SLC9C1: variants seen among roughly 807,000 people sequenced by gnomAD.
The protein encoded by SLC9C1 is solute carrier family 9 member C1.
A neutral mutation model predicts 140.9 loss-of-function variants in SLC9C1; 97 were observed. That is an observed-to-expected ratio of 0.69 (90% CI 0.58 to 0.82). The LOEUF is 0.82. Ranked by LOEUF, SLC9C1 falls within the 40% of genes least tolerant of loss-of-function variation. SLC9C1 has a pLI of 0.00. For synonymous variants in SLC9C1, 440 were observed against 442.6 expected (o/e 0.99, Z 0.07); for missense variants, 1,340 against 1,389.3 (o/e 0.96, Z 0.56).
intron 10 of SLC9C1, among the ~76,000 whole-genome samples, chr3:112,246,981 A>G (rs13095536): frequency 6.0e-4 from 91 of 152,312 alleles, no homozygotes; most frequent in African/African-American, 2.1e-3. Flanking sequence ...ATTTTCCTCC[A>G]GTTTTCTCCT....
intron 13 of SLC9C1, among the ~76,000 whole-genome samples, chr3:112,230,881 A>G (rs1464639568): frequency 6.6e-6 from 1 of 152,186 alleles, no homozygotes; most frequent in Non-Finnish European, 1.5e-5. Flanking sequence ...ATTTGAATGA[A>G]AACATAATAC....
chr3:112,145,866 C>T (rs1052965983), intron 28 of SLC9C1, among the ~76,000 whole-genome samples: 13 of 152,032 alleles, frequency 8.6e-5, no homozygotes, highest in Admixed American at 4.6e-4. Context: ...ATAAGTCTCA[C>T]GAGATCTGAT....
chr3:112,263,666 T>C (rs184215495), intron 9 of SLC9C1, among the ~76,000 whole-genome samples: 7 of 152,030 alleles, frequency 4.6e-5, no homozygotes, highest in East Asian at 3.9e-4. Flanking sequence ...ATTTGAGTAA[T>C]GGAGATTAAA....
At chr3:112,190,687 T>G (rs2077640438) in intron 20 of SLC9C1, among the ~76,000 whole-genome samples, 1 of 152,118 alleles carries the variant, frequency 6.6e-6, no homozygotes, top group Non-Finnish European at 1.5e-5. Flanking sequence ...TTTTCAAACA[T>G]TCATTGTAAA....
intron 6 of SLC9C1, 62 bp downstream of exon 6, chr3:112,274,835 C>T (rs1576501952): frequency 1.5e-6 from 2 of 1,345,408 alleles, no homozygotes; most frequent in African/African-American, 1.6e-5. Context: ...ACAAAATACA[C>T]ATCAGCTTTC....
intron 2 of SLC9C1, among the ~76,000 whole-genome samples, chr3:112,283,336 A>G (rs1290933921): frequency 6.6e-6 from 1 of 151,950 alleles, no homozygotes; most frequent in Non-Finnish European, 1.5e-5. Flanking sequence ...TAAAATAATT[A>G]ATGAGGCATG....
intron 15 of SLC9C1, among the ~76,000 whole-genome samples, chr3:112,211,671 C>G (rs1042134999): frequency 6.6e-6 from 1 of 152,226 alleles, no homozygotes; most frequent in African/African-American, 2.4e-5. Flanking sequence ...GGGCGCCCAC[C>G]ATTGCTGAGG....
At chr3:112,216,609 CTCA>C (rs2078378363) in intron 15 of SLC9C1, among the ~76,000 whole-genome samples, 1 of 152,056 alleles carries the variant, frequency 6.6e-6, no homozygotes, top group Non-Finnish European at 1.5e-5. Context: ...TGAAAAAATG[CTCA>C]TCATCACTCG....
chr3:112,159,601 T>G (rs761553598), intron 26 of SLC9C1, among the ~76,000 whole-genome samples: 51 of 152,040 alleles, frequency 3.4e-4, no homozygotes, highest in Admixed American at 6.6e-4. Flanking sequence ...CTAGTTTAAC[T>G]CCAACGTTTG....
intron 14 of SLC9C1, 114 bp downstream of exon 14, chr3:112,221,014 T>G (rs751784935): frequency 1.4e-6 from 1 of 738,546 alleles, no homozygotes; most frequent in Non-Finnish European, 2.2e-6. Flanking sequence ...ACTATAGTAT[T>G]AATATTAATA....
At chr3:112,248,963 T>C (rs576135051) in intron 10 of SLC9C1, among the ~76,000 whole-genome samples, 1 of 152,180 alleles carries the variant, frequency 6.6e-6, no homozygotes, top group African/African-American at 2.4e-5. Flanking sequence ...CTGATTGCTC[T>C]GGCTAGGACT....
At chr3:112,162,246 A>G (rs983175657) in intron 26 of SLC9C1, among the ~76,000 whole-genome samples, 4 of 152,056 alleles carry the variant, frequency 2.6e-5, no homozygotes, top group African/African-American at 9.7e-5. Context: ...TCTTTTCCTA[A>G]TTGACTACCC....
At chr3:112,157,444 G>A (rs955119854) in intron 26 of SLC9C1, among the ~76,000 whole-genome samples, 7 of 151,798 alleles carry the variant, frequency 4.6e-5, no homozygotes, top group African/African-American at 1.5e-4. Context: ...GTTTGAAATC[G>A]GGTAATGTGA....
chr3:112,281,191 A>T (rs1051248366), intron 2 of SLC9C1, among the ~76,000 whole-genome samples: 3 of 152,158 alleles, frequency 2.0e-5, no homozygotes, highest in African/African-American at 7.2e-5. Flanking sequence ...AACTTAAAAA[A>T]CTAGTTGTGG....
chr3:112,180,512 A>G, intron 22 of SLC9C1, 52 bp downstream of exon 22: 3 of 1,466,976 alleles, frequency 2.0e-6, no homozygotes, highest in Non-Finnish European at 2.8e-6. Context: ...AACAAGAGAG[A>G]AACTCTGTCT....
At chr3:112,210,980 A>G (rs578226296) in intron 15 of SLC9C1, among the ~76,000 whole-genome samples, 1 of 152,328 alleles carries the variant, frequency 6.6e-6, no homozygotes, top group East Asian at 1.9e-4. Flanking sequence ...ATTTTTATAA[A>G]AACTCTAACA....
At chr3:112,181,848 G>A (rs986418654) in intron 21 of SLC9C1, among the ~76,000 whole-genome samples, 1 of 152,012 alleles carries the variant, frequency 6.6e-6, no homozygotes, top group Non-Finnish European at 1.5e-5. Flanking sequence ...ACAGATGAAT[G>A]GAATTAGAAA....
chr3:112,156,145 A>G lies in SLC9C1; in HGVS notation c.3365-1096T>C, dbSNP rs902356141. Among the ~76,000 whole-genome samples, 6 of 152,188 alleles carry G rather than the reference A, an allele frequency of 3.9e-5. No individual in the cohort carries two copies. The East Asian group carries it at 5.8e-4, about 15-fold the overall frequency. On this transcript the variant is annotated intron_variant, in intron 26 of 28. Transcript: ENST00000305815. ...TGTACCCCTTAGTCAACTATTCTTC[A>G]TCATCTCCTTTCCCTTTCCTTCTCA...
rs368996260 is a variant in SLC9C1, at chr3:112,259,240, AATG to A, written c.1197+3681_1197+3683del. Among the ~76,000 whole-genome samples, 152 of 152,238 alleles carry A rather than the reference AATG, an allele frequency of 1.0e-3. 3 individuals are homozygous for A. In the East Asian group the frequency reaches 0.013, roughly 13 times the overall value. ...TGTTCTTACTTATAAGTGGGAGCTA[AATG>A]ATGAGAACATATGGACACAAAGAAG... On this transcript the variant is annotated intron_variant, in intron 10 of 28. Transcript: ENST00000305815.
Sources: allele counts gnomAD v4.1 joint callset (sites outside exome capture counted in the v4.1 genomes callset), GRCh38; gene constraint gnomAD v4.1.1; transcripts MANE v1.5; gene names NCBI Gene and HGNC (gene_info 2026-07-23, HGNC 2026-07-21).